The following ZP3 variants were observed in gnomAD, a reference collection of about 807,000 sequenced individuals.
ZP3 encodes the protein zona pellucida glycoprotein 3, also known as zona pellucida sperm-binding protein 3.
ZP3 carries 21 observed loss-of-function variants against 35.6 expected under a neutral mutation model. The ratio of observed to expected loss-of-function variants is 0.59; its 90% CI spans 0.42 to 0.85. The LOEUF (loss-of-function observed/expected upper bound fraction) is 0.85, where lower values mean the gene tolerates loss of function less well. ZP3 is among the 40% of genes least tolerant of loss of function. The pLI is 0.00. For missense variants in ZP3, 437 were observed against 536.5 expected, an observed-to-expected ratio of 0.81 and a Z score of 1.83; for synonymous variants, 207 against 214.5, an observed-to-expected ratio of 0.96 and a Z score of 0.31.
chr7:76,398,547 C>T (rs560616806), intron 1 of ZP3, among the ~76,000 whole-genome samples: 7 of 151,632 alleles, frequency 4.6e-5, no homozygotes, highest in Middle Eastern at 3.4e-3. Context: ...TCAAGTGATC[C>T]GCTGGCCTCG....
chr7:76,405,583 A>G (rs2115810241), intron 1 of ZP3, among the ~76,000 whole-genome samples: 1 of 151,700 alleles, frequency 6.6e-6, no homozygotes, highest in Non-Finnish European at 1.5e-5. Flanking sequence ...AGGCTGCAGG[A>G]AAAAGAAAAA....
At chr7:76,435,397 C>G (rs866079868) in intron 5 of ZP3, among the ~76,000 whole-genome samples, 15 of 152,218 alleles carry the variant, frequency 9.9e-5, no homozygotes, top group South Asian at 2.1e-4. Context: ...TCAGGTGATC[C>G]GCCTGCCTCG....
chr7:76,404,623 T>C (rs913277463), intron 1 of ZP3: 2 of 788,124 alleles, frequency 2.5e-6, no homozygotes, highest in Admixed American at 5.5e-5. Context: ...GAGACCCCCA[T>C]CTCTACAAAA....
At chr7:76,418,652 C>T (rs1352688162) in intron 1 of ZP3, among the ~76,000 whole-genome samples, 7 of 150,096 alleles carry the variant, frequency 4.7e-5, no homozygotes, top group South Asian at 2.1e-4. Context: ...GTCAGGCGGT[C>T]GAGACCATCC....
intron 1 of ZP3, among the ~76,000 whole-genome samples, chr7:76,402,113 G>A (rs1354697542): frequency 1.3e-5 from 2 of 151,036 alleles, no homozygotes; most frequent in African/African-American, 4.9e-5. Flanking sequence ...TCCAATACCG[G>A]AGTTCAATCC....
At chr7:76,408,392 G>C (rs1279543633) in intron 1 of ZP3, among the ~76,000 whole-genome samples, 1 of 152,120 alleles carries the variant, frequency 6.6e-6, no homozygotes, top group Non-Finnish European at 1.5e-5. Context: ...CCATGAGGAG[G>C]GGGAAAGACA....
intron 3 of ZP3, 113 bp downstream of exon 3, chr7:76,433,143 G>GGTTGGTTTTC: frequency 1.4e-6 from 1 of 699,822 alleles, no homozygotes; most frequent in Non-Finnish European, 2.4e-6. Flanking sequence ...GGTTGGTTTT[G>GGTTGGTTTTC]GTTGGTTTTG....
At chr7:76,423,255 T>C (rs954419917), upstream of ZP3, among the ~76,000 whole-genome samples, 1 of 150,586 alleles carries the variant, frequency 6.6e-6, no homozygotes, top group Non-Finnish European at 1.5e-5. Flanking sequence ...GGGAAAGATA[T>C]AGAGATTTTT....
chr7:76,426,888 AC>A (rs1805676132), intron 1 of ZP3, among the ~76,000 whole-genome samples: 1 of 127,988 alleles, frequency 7.8e-6, no homozygotes, highest in Non-Finnish European at 1.6e-5. Flanking sequence ...ACACACACAC[AC>A]ACACACACAC....
upstream of ZP3, among the ~76,000 whole-genome samples, chr7:76,422,168 A>T (rs1200987022): frequency 6.6e-6 from 1 of 151,642 alleles, no homozygotes; most frequent in East Asian, 2.0e-4. Flanking sequence ...AAATGCTGGG[A>T]TTACAGACAT....
intron 1 of ZP3, among the ~76,000 whole-genome samples, chr7:76,403,292 C>T (rs1253894980): frequency 6.6e-6 from 1 of 152,108 alleles, no homozygotes; most frequent in Non-Finnish European, 1.5e-5. Context: ...TAACCACCCC[C>T]TGCAGCCTGT....
intron 1 of ZP3, among the ~76,000 whole-genome samples, chr7:76,418,724 C>T (rs548519642): frequency 2.6e-5 from 4 of 151,914 alleles, no homozygotes; most frequent in South Asian, 2.1e-4. Context: ...GGCGTGGTGG[C>T]AGGCGCCTAT....
At chr7:76,400,287 A>G in intron 1 of ZP3, 1 of 1,471,720 alleles carries the variant, frequency 6.8e-7, no homozygotes, top group Non-Finnish European at 9.0e-7. Flanking sequence ...TCCACTCACC[A>G]TCACACAGGA....
At chr7:76,435,212 T>C (rs1417930429) in intron 5 of ZP3, among the ~76,000 whole-genome samples, 2 of 152,256 alleles carry the variant, frequency 1.3e-5, no homozygotes, top group East Asian at 1.9e-4. Flanking sequence ...GGCATGATGG[T>C]GGGCACCTGT....
At chr7:76,439,131 C>CA (rs775953355) in intron 5 of ZP3, among the ~76,000 whole-genome samples, 1,968 of 75,136 alleles carry the variant, frequency 0.026, 45 homozygotes, top group African/African-American at 0.066. Flanking sequence ...GACTCCACCT[C>CA]AAAAAAAAAA....
chr7:76,442,021 C>T lies in ZP3; in HGVS notation c.1240C>T (p.Arg414Cys), dbSNP rs1241071246. The T allele has an allele frequency of 7.4e-6, 7 of 949,522 alleles. No homozygotes were observed. Among genetic ancestry groups the T allele is most frequent in the African/African-American group, 1.8e-5 (1 of 55,018 alleles). The allele number at this position is 949,522 out of a possible 1,614,324, so 58.8% of individuals were successfully genotyped here. A position where few individuals can be genotyped will look rare whatever the true frequency, so the allele number is the denominator to read the frequency against. Residue 414 changes from arginine to cysteine, a missense_variant, in exon 8 of 8, where the codon CGC becomes TGC. Arg to Cys is a radical substitution (Grantham distance 180). Transcript: ENST00000394857. ...AVILVLTRRC[R>C]TASHPVSASE ...TATCCTGGTTCTCACCAGGAGGTGTCGCACTGCCTCCCACCCTGTGTCTGC... is the reference window on the plus strand; with the variant it reads ...TATCCTGGTTCTCACCAGGAGGTGTTGCACTGCCTCCCACCCTGTGTCTGC...
At chr7:76,441,133 T>C (rs62475572) in intron 7 of ZP3, among the ~76,000 whole-genome samples, 1,781 of 123,040 alleles carry the variant, frequency 0.014, no homozygotes, top group African/African-American at 0.028. Context: ...ATTGCACCAT[T>C]GTACTCCAGC....
At position 76,437,342 on chromosome 7, in the gene ZP3, A is replaced by G. The variant is rs528825547; in HGVS notation, c.832-2908A>G. Among the ~76,000 whole-genome samples the G allele has an allele frequency of 2.0e-5, 3 of 152,260 alleles. 1 individual carries two copies. In the South Asian group the frequency reaches 6.2e-4, roughly 32 times the overall value. On this transcript the variant is annotated intron_variant, in intron 5 of 7. Transcript: ENST00000394857. ...GGCACTCAATCACCACGCCTGGCTA[A>G]TTTTTGAATATTTAGTAGAGATGGG...
Position 76,425,007 on chromosome 7 carries a change from G to A in ZP3, c.43G>A (p.Gly15Ser), listed in dbSNP as rs541167188. The change falls in exon 1 of 8, where the codon GGT becomes AGT. Residue 15 changes from glycine to serine, a missense_variant. Physicochemically the swap from Gly to Ser is moderately conservative, Grantham distance 56. Coordinates refer to ENST00000394857, the MANE Select transcript of ZP3 (RefSeq NM_001110354.2). ...GCTCTTCATCTGCCTCCTGCTCTGGGGTAGTACTGAGCTGTGCTACCCCCA... is the reference window on the plus strand; with the variant it reads ...GCTCTTCATCTGCCTCCTGCTCTGGAGTAGTACTGAGCTGTGCTACCCCCA... The part of the protein sequence containing the change: ...YRLFICLLLW[G>S]STELCYPQPL... 2.6e-5 allele frequency: 41 copies of A among 1,569,628 alleles called. No homozygotes were observed. The highest frequency in any genetic ancestry group is 3.5e-5 in the Non-Finnish European group (40 of 1,158,476).
Sources: gnomAD v4.1 joint callset for allele counts (sites outside exome capture counted in the v4.1 genomes callset) on GRCh38, gnomAD v4.1.1 for gene constraint, MANE v1.5 for transcripts, NCBI Gene and HGNC (gene_info 2026-07-23, HGNC 2026-07-21) for gene names.